The following FAM13B variants were observed in gnomAD, a reference collection of about 807,000 sequenced individuals.
FAM13B encodes the protein family with sequence similarity 13 member B.
A neutral mutation model predicts 117.3 loss-of-function variants in FAM13B; 60 were observed. That is an observed-to-expected ratio of 0.51 (90% CI 0.42 to 0.63). The LOEUF (loss-of-function observed/expected upper bound fraction) is 0.63, where lower values mean the gene tolerates loss of function less well. Ranked by LOEUF, FAM13B falls within the 30% of genes least tolerant of loss-of-function variation. The pLI is 0.00. For missense variants in FAM13B, 972 were observed against 1,091.9 expected, an observed-to-expected ratio of 0.89 and a Z score of 1.55; for synonymous variants, 332 against 356.1, an observed-to-expected ratio of 0.93 and a Z score of 0.76.
At chr5:137,999,891 T>C (rs147651926) in intron 7 of FAM13B, among the ~76,000 whole-genome samples, 127 of 152,150 alleles carry the variant, frequency 8.3e-4, no homozygotes, top group African/African-American at 3.0e-3. Flanking sequence ...CCCACCCCCA[T>C]GGCCTAATAA....
intron 7 of FAM13B, among the ~76,000 whole-genome samples, chr5:137,997,163 T>A (rs1780066524): frequency 6.6e-6 from 1 of 152,170 alleles, no homozygotes; most frequent in East Asian, 1.9e-4. Flanking sequence ...CTAAAATTTG[T>A]ACATTTAAAT....
intron 1 of FAM13B, among the ~76,000 whole-genome samples, chr5:138,030,641 T>A (rs950747221): frequency 2.6e-5 from 4 of 151,138 alleles, no homozygotes; most frequent in South Asian, 2.1e-4. Flanking sequence ...TTTAAAAAAA[T>A]ACATTTATTA....
chr5:137,987,728 G>A, intron 8 of FAM13B, 112 bp from the exon 9 acceptor site: 1 of 902,356 alleles, frequency 1.1e-6, no homozygotes, highest in African/African-American at 1.7e-5. Context: ...ACTTAAATGG[G>A]TAAACCAAAG....
chr5:137,980,731 C>T (rs1324553102), intron 10 of FAM13B, among the ~76,000 whole-genome samples: 2 of 151,960 alleles, frequency 1.3e-5, no homozygotes, highest in Admixed American at 6.6e-5. Context: ...TAAGCCACTG[C>T]GCCCAGCCTA....
intron 7 of FAM13B, among the ~76,000 whole-genome samples, chr5:137,991,970 A>G (rs928904770): frequency 1.3e-5 from 2 of 152,170 alleles, no homozygotes; most frequent in Admixed American, 6.5e-5. Flanking sequence ...CACCCAGGCT[A>G]GAGTGCAGTG....
At chr5:138,016,128 G>C (rs185393511) in intron 4 of FAM13B, among the ~76,000 whole-genome samples, 59 of 152,236 alleles carry the variant, frequency 3.9e-4, no homozygotes, top group African/African-American at 1.3e-3. Context: ...CACAGTACAT[G>C]GTGCTGTCAT....
intron 10 of FAM13B, among the ~76,000 whole-genome samples, chr5:137,977,168 G>A (rs1774270516): frequency 6.6e-6 from 1 of 152,138 alleles, no homozygotes; most frequent in Non-Finnish European, 1.5e-5. Flanking sequence ...GTCTCCCATA[G>A]CGCTCCCAGG....
At chr5:137,973,727 G>C (rs1167480031) in intron 10 of FAM13B, among the ~76,000 whole-genome samples, 2 of 146,558 alleles carry the variant, frequency 1.4e-5, no homozygotes, top group African/African-American at 5.0e-5. Context: ...CTAATATCCA[G>C]AATCTACAAT....
chr5:137,988,412 C>T lies in FAM13B; in HGVS notation c.849-97G>A. 4 of 854,462 alleles carry T rather than the reference C, an allele frequency of 4.7e-6. No individual in the cohort carries two copies. In the South Asian group the frequency reaches 5.0e-5, roughly 11 times the overall value. 52.9% of individuals were successfully genotyped at this position (854,462 alleles called of 1,614,324 possible). On this transcript the variant is annotated intron_variant, in intron 7 of 23. Coordinates refer to ENST00000689681, the MANE Select transcript of FAM13B (RefSeq NM_001385994.1). ...CCATATTTGCACTACCTTGACACAA[C>T]CAGGAGAGCACATACTAAGTGTTGT...
chr5:137,990,695 C>T (rs1778389788), intron 7 of FAM13B, among the ~76,000 whole-genome samples: 1 of 152,046 alleles, frequency 6.6e-6, no homozygotes, highest in Non-Finnish European at 1.5e-5. Context: ...TGGCTCATGC[C>T]TCAAGTCCCA....
At chr5:137,945,829 A>G in intron 20 of FAM13B, 73 bp downstream of exon 20, 1 of 1,108,092 alleles carries the variant, frequency 9.0e-7, no homozygotes, top group Non-Finnish European at 1.3e-6. Flanking sequence ...CCAATATACC[A>G]CAATAATAAT....
intron 6 of FAM13B, 139 bp from the exon 7 acceptor site, chr5:138,007,286 A>C (rs1227312420): frequency 6.5e-6 from 4 of 611,856 alleles, no homozygotes; most frequent in African/African-American, 1.9e-5. Flanking sequence ...TCTCTTATGG[A>C]GTAAGTAACT....
intron 10 of FAM13B, among the ~76,000 whole-genome samples, chr5:137,979,300 A>AC (rs766038723): frequency 2.4e-4 from 37 of 152,182 alleles, no homozygotes; most frequent in Non-Finnish European, 4.9e-4. Flanking sequence ...GGCATGAGCC[A>AC]CCATGCCCAC....
chr5:138,047,621 A>G (rs1264619938), intron 1 of FAM13B, among the ~76,000 whole-genome samples: 1 of 152,256 alleles, frequency 6.6e-6, no homozygotes, highest in Non-Finnish European at 1.5e-5. Flanking sequence ...CAACTGACCC[A>G]GAGATGGGGA....
Position 138,018,341 on chromosome 5 carries a change from G to T in FAM13B, c.331C>A (p.Pro111Thr), listed in dbSNP as rs773918838. 2 of 1,613,938 alleles carry T rather than the reference G, an allele frequency of 1.2e-6. No homozygotes were observed. Among genetic ancestry groups the T allele is most frequent in the East Asian group, 4.5e-5 (2 of 44,884 alleles). ...FLQELPEPVI[P>T]GSLHIHLMQL... ...ATCAAGTGAATATGTAAACTGCCAG[G>T]GATAACAGGTTCAGGAAGTTCTTGA... The change falls in exon 4 of 24, where the codon CCT (proline) becomes ACT (threonine). Residue 111 changes from proline to threonine, a missense_variant. Pro to Thr is a conservative substitution (Grantham distance 38, BLOSUM62 -1). Coordinates refer to ENST00000689681, the MANE Select transcript of FAM13B (RefSeq NM_001385994.1).
At chr5:137,989,337 G>A (rs1225189628) in intron 7 of FAM13B, among the ~76,000 whole-genome samples, 2 of 152,188 alleles carry the variant, frequency 1.3e-5, no homozygotes, top group African/African-American at 2.4e-5. Context: ...ATGTCTCTCA[G>A]TAGCGAAGTG....
intron 1 of FAM13B, among the ~76,000 whole-genome samples, chr5:138,040,165 G>A (rs1791442149): frequency 6.6e-6 from 1 of 150,768 alleles, no homozygotes; most frequent in African/African-American, 2.4e-5. Context: ...TGGGGAGGCT[G>A]AGGCAGGAGA....
At chr5:137,983,173 A>T (rs1776247213) in intron 10 of FAM13B, among the ~76,000 whole-genome samples, 4 of 116,380 alleles carry the variant, frequency 3.4e-5, no homozygotes, top group East Asian at 2.7e-4. Flanking sequence ...CAGCCAGTGT[A>T]GGTAAAAAAA....
intron 10 of FAM13B, among the ~76,000 whole-genome samples, chr5:137,975,298 C>G (rs2150444696): frequency 6.6e-6 from 1 of 152,304 alleles, no homozygotes; most frequent in Middle Eastern, 3.4e-3. Context: ...AATTTCTAAT[C>G]CACCCAACAC....
Sources: allele counts gnomAD v4.1 joint callset (sites outside exome capture counted in the v4.1 genomes callset), GRCh38; gene constraint gnomAD v4.1.1; transcripts MANE v1.5; gene names NCBI Gene and HGNC (gene_info 2026-07-23, HGNC 2026-07-21).